ST3GAL3: variants seen among roughly 807,000 people sequenced by gnomAD.
The protein encoded by ST3GAL3 is ST3 beta-galactoside alpha-2,3-sialyltransferase 3, also known as CMP-N-acetylneuraminate-beta-1,4-galactoside alpha-2,3-sialyltransferase.
In ST3GAL3, 21 loss-of-function variants were observed where a neutral mutation model predicts 50.1. The ratio of observed to expected loss-of-function variants is 0.42; its 90% CI spans 0.30 to 0.60. ST3GAL3 has a LOEUF of 0.60. ST3GAL3 is among the 20% of genes least tolerant of loss of function. ST3GAL3 has a pLI of 0.19. For missense variants in ST3GAL3, 353 were observed against 489.4 expected (o/e 0.72, Z 2.63); for synonymous variants, 183 against 190.0 (o/e 0.96, Z 0.30).
chr1:43,854,832 C>G (rs950673969), intron 5 of ST3GAL3, among the ~76,000 whole-genome samples: 2 of 152,206 alleles, frequency 1.3e-5, no homozygotes, highest in Non-Finnish European at 2.9e-5. Flanking sequence ...TTCCCTTCCC[C>G]TCTTAACCAG....
At chr1:43,730,495 A>G (rs1431784033) in intron 1 of ST3GAL3, among the ~76,000 whole-genome samples, 1 of 150,814 alleles carries the variant, frequency 6.6e-6, no homozygotes, top group African/African-American at 2.4e-5. Flanking sequence ...GACAAGATAT[A>G]TAGTTCCTTG....
intron 2 of ST3GAL3, among the ~76,000 whole-genome samples, chr1:43,760,774 T>A (rs1404143228): frequency 6.6e-6 from 1 of 151,702 alleles, no homozygotes; most frequent in African/African-American, 2.4e-5. Context: ...AAAATGTTGA[T>A]AGCACTATTA....
rs138616798 is a variant in ST3GAL3 at position 43,898,277 on chromosome 1, G to T, written c.440G>T (p.Arg147Leu). The change falls in exon 7 of 12, where the codon CGC (arginine) becomes CTC (leucine). Residue 147 changes from arginine (R) to leucine (L), a missense_variant. Arg to Leu is a moderately radical substitution (Grantham distance 102, BLOSUM62 -2). Transcript: ENST00000347631. ...KAILSVTKEY[R>L]LTPALDSLRC... ...ATCTTGTCAGTCACCAAAGAGTACC[G>T]CCTGACCCCTGCCTTGGACAGGTGA... 24 of 1,613,670 alleles carry T rather than the reference G, an allele frequency of 1.5e-5. No homozygotes were observed. Among genetic ancestry groups the T allele is most frequent in the Non-Finnish European group, 1.9e-5 (22 of 1,179,998 alleles).
At chr1:43,736,620 G>A in intron 2 of ST3GAL3, 1 of 658,690 alleles carries the variant, frequency 1.5e-6, no homozygotes, top group South Asian at 1.7e-5. Context: ...TGGTGAGAAT[G>A]TGCTATTCTT....
chr1:43,915,924 G>A (rs1358661607), intron 9 of ST3GAL3, among the ~76,000 whole-genome samples: 2 of 152,192 alleles, frequency 1.3e-5, no homozygotes, highest in African/African-American at 2.4e-5. Context: ...TTGGAGACCA[G>A]CCTGGCCAAC....
intron 2 of ST3GAL3, among the ~76,000 whole-genome samples, chr1:43,746,026 T>C (rs2158956): frequency 0.69 from 105,034 of 152,162 alleles, 36,606 homozygotes; most frequent in Non-Finnish European, 0.73. Context: ...ATTTGCACAA[T>C]GACGAAATTG....
chr1:43,724,641 C>G (rs1672077412), intron 1 of ST3GAL3, among the ~76,000 whole-genome samples: 1 of 152,002 alleles, frequency 6.6e-6, no homozygotes, highest in South Asian at 2.1e-4. Flanking sequence ...GAAAAAGAGA[C>G]AAGATGTTTT....
At chr1:43,926,287 G>A (rs1270831063) in intron 11 of ST3GAL3, among the ~76,000 whole-genome samples, 1 of 152,156 alleles carries the variant, frequency 6.6e-6, no homozygotes, top group African/African-American at 2.4e-5. Flanking sequence ...TGGGCGAGGA[G>A]CCAAAGAAAA....
At chr1:43,854,280 G>T (rs116946136) in intron 5 of ST3GAL3, among the ~76,000 whole-genome samples, 1 of 152,074 alleles carries the variant, frequency 6.6e-6, no homozygotes, top group East Asian at 1.9e-4. Flanking sequence ...CTCCACTCTC[G>T]CTTCTCTCCT....
intron 4 of ST3GAL3, among the ~76,000 whole-genome samples, chr1:43,817,775 TCCTC>T (rs370985353): frequency 0.3 from 29,692 of 98,996 alleles, 6,379 homozygotes; most frequent in East Asian, 0.55. Context: ...CTTCTTCTTC[TCCTC>T]CTTCTTCTCC....
At chr1:43,809,373 A>G (rs2154171695) in intron 3 of ST3GAL3, among the ~76,000 whole-genome samples, 1 of 152,324 alleles carries the variant, frequency 6.6e-6, no homozygotes, top group Non-Finnish European at 1.5e-5. Flanking sequence ...AAAATAGTGA[A>G]CTAGAAGATA....
intron 5 of ST3GAL3, among the ~76,000 whole-genome samples, chr1:43,868,411 A>G (rs1464415762): frequency 2.0e-5 from 3 of 152,172 alleles, no homozygotes; most frequent in Non-Finnish European, 4.4e-5. Context: ...GGCTTTTGAC[A>G]CAGTTTAACC....
intron 2 of ST3GAL3, among the ~76,000 whole-genome samples, chr1:43,752,109 G>A (rs572653302): frequency 1.3e-5 from 2 of 152,110 alleles, no homozygotes; most frequent in Admixed American, 6.5e-5. Context: ...GAGCCACTGC[G>A]CCCGGCCTAA....
intron 11 of ST3GAL3, among the ~76,000 whole-genome samples, chr1:43,926,900 G>T (rs2084065733): frequency 6.6e-6 from 1 of 152,138 alleles, no homozygotes; most frequent in Non-Finnish European, 1.5e-5. Context: ...ATAATATCAT[G>T]AACTCCCACG....
intron 9 of ST3GAL3, among the ~76,000 whole-genome samples, chr1:43,918,289 TGTA>T: frequency 6.6e-6 from 1 of 152,132 alleles, no homozygotes; most frequent in South Asian, 2.1e-4. Context: ...TGCTCATTTT[TGTA>T]TTTTCTATAG....
chr1:43,746,655 G>C (rs779150376), intron 2 of ST3GAL3, among the ~76,000 whole-genome samples: 4 of 151,758 alleles, frequency 2.6e-5, no homozygotes, highest in Non-Finnish European at 5.9e-5. Flanking sequence ...GTAGAGATGG[G>C]GTTTCACCAT....
chr1:43,725,640 A>G (rs996758801), intron 1 of ST3GAL3, among the ~76,000 whole-genome samples: 2 of 151,900 alleles, frequency 1.3e-5, no homozygotes, highest in African/African-American at 4.8e-5. Flanking sequence ...CTCTTATTAA[A>G]TTTAATTAAT....
intron 2 of ST3GAL3, among the ~76,000 whole-genome samples, chr1:43,755,717 A>G (rs944725809): frequency 1.3e-5 from 2 of 152,244 alleles, no homozygotes; most frequent in Non-Finnish European, 2.9e-5. Context: ...GGAAGCAGAA[A>G]CACAGTTTCA....
rs565526137 is a variant in ST3GAL3, at chr1:43,921,683, G to A, written c.1038+755G>A. On this transcript the variant is annotated intron_variant, in intron 11 of 11. Coordinates refer to ENST00000347631, the MANE Select transcript of ST3GAL3 (RefSeq NM_006279.5). ...TCTCAGCCCTCATTCCTGCTTATCAGTCTTCTTATCTATCCTTCTCCATCA... is the reference window on the plus strand; with the variant it reads ...TCTCAGCCCTCATTCCTGCTTATCAATCTTCTTATCTATCCTTCTCCATCA... 1.4e-3 allele frequency: 561 copies of A among 398,744 alleles called. 2 individuals are homozygous for A. The highest frequency in any genetic ancestry group is 0.01 in the African/African-American group (493 of 48,722). 24.7% of individuals were successfully genotyped at this position (398,744 alleles called of 1,614,324 possible).
Sources: allele counts gnomAD v4.1 joint callset (sites outside exome capture counted in the v4.1 genomes callset), GRCh38; gene constraint gnomAD v4.1.1; transcripts MANE v1.5; gene names NCBI Gene and HGNC (gene_info 2026-07-23, HGNC 2026-07-21).